Variants in LMF1 observed in about 807,000 individuals in gnomAD.
The protein encoded by LMF1 is lipase maturation factor 1, also known as transmembrane protein 112.
LMF1 carries 68 observed loss-of-function variants against 60.6 expected under a neutral mutation model. The observed-to-expected ratio is 1.12, with a 90% CI of 0.92 to 1.37. LMF1 has a LOEUF of 1.37. Ranked by LOEUF, LMF1 falls within the 40% of genes most tolerant of loss-of-function variation. The pLI is 0.00. For missense variants in LMF1, 948 were observed against 767.2 expected, an observed-to-expected ratio of 1.24 and a Z score of -2.78; for synonymous variants, 418 against 324.7, an observed-to-expected ratio of 1.29 and a Z score of -3.09.
intron 3 of LMF1, among the ~76,000 whole-genome samples, chr16:911,802 T>C (rs1170926572): frequency 6.6e-6 from 1 of 151,848 alleles, no homozygotes; most frequent in African/African-American, 2.4e-5. Flanking sequence ...CAGGCAAGGA[T>C]GCAGAGGCAG....
intron 7 of LMF1, 118 bp downstream of exon 7, chr16:871,043 G>A (rs372992263): frequency 6.3e-5 from 88 of 1,393,522 alleles, no homozygotes; most frequent in East Asian, 1.8e-4. Context: ...GCTACACTGC[G>A]GACGGCGCTG....
intron 4 of LMF1, among the ~76,000 whole-genome samples, chr16:910,346 C>T (rs1336108570): frequency 2.0e-5 from 3 of 152,184 alleles, no homozygotes; most frequent in Non-Finnish European, 2.9e-5. Context: ...AACCCGCCAC[C>T]CCCACCCCGG....
intron 5 of LMF1, among the ~76,000 whole-genome samples, chr16:888,633 G>A (rs778305487): frequency 1.2e-4 from 19 of 152,218 alleles, no homozygotes; most frequent in Non-Finnish European, 2.4e-4. Context: ...CTCCGATGTG[G>A]GGACCGCAGC....
intron 3 of LMF1, 31 bp downstream of exon 3, chr16:934,213 G>A (rs771476953): frequency 5.6e-6 from 9 of 1,599,266 alleles, no homozygotes; most frequent in Admixed American, 1.7e-5. Context: ...CTCAACTCTC[G>A]CAGAGCTTTC....
intron 4 of LMF1, chr16:901,569 C>T (rs1339696583): frequency 1.3e-5 from 2 of 152,266 alleles, no homozygotes; most frequent in Non-Finnish European, 2.9e-5. Flanking sequence ...TTGATCACGT[C>T]CTGAGTGAAA....
Position 854,534 on chromosome 16 carries a change from A to C in LMF1, c.1702T>G (p.Ter568GluextTer109). 1.2e-6 allele frequency: 2 copies of C among 1,606,948 alleles called. No individual in the cohort carries two copies. Among genetic ancestry groups the C allele is most frequent in the Non-Finnish European group, 1.7e-6 (2 of 1,178,824 alleles). Residue 568 changes from the stop codon to glutamate, a stop_lost, in exon 11 of 11, where the codon TAG becomes GAG. Coordinates refer to ENST00000262301, the MANE Select transcript of LMF1 (RefSeq NM_022773.4). Reference sequence around the variant, plus strand: ...TCGCCTTTATTTCTGGTGCACGTCTAGAGGGGCCCGGGCAGAGGCCACCCA... The same window carrying C: ...TCGCCTTTATTTCTGGTGCACGTCTCGAGGGGCCCGGGCAGAGGCCACCCA... The part of the protein sequence containing the change: ...DRGWPLPGPL[*>E]
chr16:927,869 G>C (rs548068290), intron 3 of LMF1, among the ~76,000 whole-genome samples: 38 of 152,356 alleles, frequency 2.5e-4, no homozygotes, highest in African/African-American at 8.2e-4. Flanking sequence ...TGCCGCAATG[G>C]AAAACACCCT....
chr16:889,867 C>T (rs544454572), intron 5 of LMF1, among the ~76,000 whole-genome samples: 10 of 152,284 alleles, frequency 6.6e-5, no homozygotes, highest in Admixed American at 2.0e-4. Flanking sequence ...CATCCTCGTC[C>T]GAGACACAAG....
chr16:968,022 G>A (rs893639057), intron 1 of LMF1, among the ~76,000 whole-genome samples: 1 of 152,188 alleles, frequency 6.6e-6, no homozygotes, highest in African/African-American at 2.4e-5. Context: ...ACACACTCCG[G>A]CTCCCACAGC....
chr16:893,135 G>T, intron 4 of LMF1, 63 bp from the exon 5 acceptor site: 1 of 1,386,690 alleles, frequency 7.2e-7, no homozygotes. Context: ...GGCCCCGACA[G>T]AAACAGCTTC....
intron 1 of LMF1, chr16:979,211 G>A (rs2073264957): frequency 7.3e-6 from 3 of 410,868 alleles, no homozygotes; most frequent in African/African-American, 6.1e-5. Flanking sequence ...CAGGCCTAGT[G>A]GCTCACACCC....
intron 3 of LMF1, among the ~76,000 whole-genome samples, chr16:932,113 G>A (rs1379346709): frequency 6.6e-6 from 1 of 152,214 alleles, no homozygotes; most frequent in Non-Finnish European, 1.5e-5. Context: ...GAGTCACCCG[G>A]CTCCTCGACT....
intron 10 of LMF1, among the ~76,000 whole-genome samples, chr16:856,324 C>T (rs1401669326): frequency 1.3e-5 from 2 of 152,146 alleles, no homozygotes; most frequent in Non-Finnish European, 1.5e-5. Flanking sequence ...CACTGGACCC[C>T]GAGGTCGACC....
intron 1 of LMF1, chr16:968,812 A>C (rs1196734193): frequency 6.6e-6 from 1 of 152,250 alleles, no homozygotes; most frequent in Non-Finnish European, 1.5e-5. Context: ...AAGGAGCCTC[A>C]GCTCGTTTGA....
intron 1 of LMF1, chr16:980,386 T>G (rs1340836579): frequency 6.6e-6 from 1 of 152,560 alleles, no homozygotes; most frequent in Non-Finnish European, 1.5e-5. Flanking sequence ...GTGGGTGCGG[T>G]GCGCTGGCAG....
chr16:928,648 C>T, intron 3 of LMF1, among the ~76,000 whole-genome samples: 1 of 151,940 alleles, frequency 6.6e-6, no homozygotes, highest in Non-Finnish European at 1.5e-5. Flanking sequence ...AGGCAGTCAC[C>T]ATCAACAGCC....
chr16:855,796 T>C (rs1406493747), intron 10 of LMF1: 2 of 455,898 alleles, frequency 4.4e-6, no homozygotes, highest in Non-Finnish European at 8.8e-6. Flanking sequence ...CGGTAGCGAC[T>C]GTCTGGGCTG....
intron 3 of LMF1, among the ~76,000 whole-genome samples, chr16:915,329 G>C (rs1204499832): frequency 3.3e-5 from 5 of 152,196 alleles, no homozygotes; most frequent in Admixed American, 3.3e-4. Context: ...GTGGTGCGGA[G>C]AGCCCTCTTC....
Position 869,976 on chromosome 16 carries a change from G to A in LMF1, c.1323C>T (p.Phe441=). ...TGCTGGGGTCACCTGGCTTGCACTT[G>A]AACTCGTAGTCCTCCCACATGGCAT... The part of the protein sequence containing the change: ...APDAMWEDYE[F]KCKPGDPSRR... The change falls in exon 9 of 11, where the codon TTC becomes TTT. Residue 441 remains phenylalanine (F), a synonymous_variant. Transcript: ENST00000262301. 1 of 1,613,322 alleles carries A rather than the reference G, an allele frequency of 6.2e-7. No individual in the cohort carries two copies. The highest frequency in any genetic ancestry group is 8.5e-7 in the Non-Finnish European group (1 of 1,179,878).
Sources: allele counts gnomAD v4.1 joint callset (sites outside exome capture counted in the v4.1 genomes callset), GRCh38; gene constraint gnomAD v4.1.1; transcripts MANE v1.5; gene names NCBI Gene and HGNC (gene_info 2026-07-23, HGNC 2026-07-21).